XRN1: variants seen among roughly 807,000 people sequenced by gnomAD.
The protein encoded by XRN1 is 5'-3' exoribonuclease 1.
XRN1 carries 67 observed loss-of-function variants against 222.3 expected under a neutral mutation model. The observed-to-expected ratio is 0.30, with a 90% CI of 0.25 to 0.37. The LOEUF is 0.37. Ranked by LOEUF, XRN1 falls within the 10% of genes least tolerant of loss-of-function variation. The probability of loss-of-function intolerance (pLI) is 1.00; values close to 1 mark genes in which losing one functional copy is unlikely to be tolerated. For missense variants in XRN1, 1,707 were observed against 2,000.2 expected, an observed-to-expected ratio of 0.85 and a Z score of 2.80; for synonymous variants, 643 against 652.4, an observed-to-expected ratio of 0.99 and a Z score of 0.22.
At chr3:142,327,799 C>T (rs2065562619) in intron 37 of XRN1, among the ~76,000 whole-genome samples, 2 of 152,096 alleles carry the variant, frequency 1.3e-5, no homozygotes, top group African/African-American at 4.8e-5. Context: ...GCATACATTG[C>T]AGCCATTAAG....
In XRN1 at chr3:142,360,145, A is replaced by G. The variant is rs557845568; in HGVS notation, c.3395-214T>C. On this transcript the variant is annotated intron_variant, in intron 29 of 40. Coordinates refer to ENST00000392981, the MANE Select transcript of XRN1 (RefSeq NM_001282857.2). ...GCCTTAGAGGATCATTATTGTCCCA[A>G]TTCCCAACTAGGTAACATTATCTTC... is the stretch of plus-strand genomic sequence containing the variant. Among the ~76,000 whole-genome samples the G allele has an allele frequency of 6.5e-4, 99 of 152,286 alleles. 1 individual carries two copies. The highest frequency in any genetic ancestry group is 4.3e-3 in the South Asian group (21 of 4,832).
At position 142,357,136 on chromosome 3, in the gene XRN1, T is replaced by C. The variant is rs747729281; in HGVS notation, c.3465-17A>G. On this transcript the variant is annotated splice_polypyrimidine_tract_variant and intron_variant, in intron 30 of 40. Coordinates refer to ENST00000392981, the MANE Select transcript of XRN1 (RefSeq NM_001282857.2). ...GGTGAGCATCTAAAAGTAAAAGTTATATCAGGGTTGGAAGGAAAACAATAC... is the reference window on the plus strand; with the variant it reads ...GGTGAGCATCTAAAAGTAAAAGTTACATCAGGGTTGGAAGGAAAACAATAC... 20 of 1,587,840 alleles carry C rather than the reference T, an allele frequency of 1.3e-5. No homozygotes were observed. The East Asian group carries it at 4.1e-4, about 33-fold the overall frequency.
At chr3:142,359,175 ACTTGT>A (rs1351868394) in intron 30 of XRN1, among the ~76,000 whole-genome samples, 1 of 152,066 alleles carries the variant, frequency 6.6e-6, no homozygotes, top group Non-Finnish European at 1.5e-5. Flanking sequence ...CCCCCAAAAC[ACTTGT>A]CTTATCTGTG....
At chr3:142,360,116 C>T (rs867963566) in intron 29 of XRN1, among the ~76,000 whole-genome samples, 185 bp from the exon 30 acceptor site, 12 of 151,896 alleles carry the variant, frequency 7.9e-5, no homozygotes, top group Admixed American at 1.3e-4. Context: ...AACAGAATAC[C>T]AGTGCCTTAG....
chr3:142,410,278 TG>T (rs1425291311), intron 15 of XRN1, among the ~76,000 whole-genome samples: 1 of 152,192 alleles, frequency 6.6e-6, no homozygotes, highest in Non-Finnish European at 1.5e-5. Flanking sequence ...GGATGTTTCC[TG>T]TTATCCTTGT....
rs369238607 is a variant in XRN1 at position 142,356,350 on chromosome 3, T to C, written c.3672+562A>G. 3.9e-5 allele frequency among the ~76,000 whole-genome samples: 6 copies of C among 152,174 alleles called. 1 individual carries two copies. In the East Asian group the frequency reaches 1.2e-3, roughly 29 times the overall value. Reference sequence around the variant, plus strand: ...TCATCTACTTATCTGTGTTTTCCAATTGGTTTATAATAAGCAGGTACTATT... The same window carrying C: ...TCATCTACTTATCTGTGTTTTCCAACTGGTTTATAATAAGCAGGTACTATT... On this transcript the variant is annotated intron_variant, in intron 31 of 40. Coordinates refer to ENST00000392981, the MANE Select transcript of XRN1 (RefSeq NM_001282857.2).
chr3:142,418,499 C>T lies in XRN1; in HGVS notation c.1346+5G>A, dbSNP rs749503524. 3 of 1,589,704 alleles carry T rather than the reference C, an allele frequency of 1.9e-6. No homozygotes were observed. The highest frequency in any genetic ancestry group is 2.6e-6 in the Non-Finnish European group (3 of 1,168,028). On this transcript the variant is annotated splice_donor_5th_base_variant and intron_variant, in intron 12 of 40. Transcript: ENST00000392981. ...TTTAAAATAAAAGCATTGGCAAAAA[C>T]GTACTCAGATACTACGTCAACCCCC...
In XRN1 at chr3:142,404,926, T is replaced by C. The variant is rs756671459; in HGVS notation, c.1864A>G (p.Ile622Val). The C allele has an allele frequency of 1.9e-6, 3 of 1,613,876 alleles. No individual in the cohort carries two copies. Among genetic ancestry groups the C allele is most frequent in the African/African-American group, 1.3e-5 (1 of 74,936 alleles). ...CATTACCTTGTACAACATCGTTCTA[T>C]GGCAGGGAACTTTTCTGGCCATGGA... ...PSPWPEKFPA[I>V]ERCCTRYKII... The change falls in exon 16 of 41, where the codon ATA (isoleucine) becomes GTA (valine). Residue 622 changes from isoleucine (I) to valine (V), a missense_variant. By Grantham distance (29) the Ile-to-Val change is conservative (BLOSUM62 3). Transcript: ENST00000392981.
intron 19 of XRN1, among the ~76,000 whole-genome samples, chr3:142,398,304 A>G (rs1426534986): frequency 6.6e-6 from 1 of 152,152 alleles, no homozygotes; most frequent in Non-Finnish European, 1.5e-5. Flanking sequence ...TAAACATATA[A>G]AAATAAACAT....
chr3:142,388,498 C>G (rs1298817665), intron 20 of XRN1, among the ~76,000 whole-genome samples: 1 of 152,102 alleles, frequency 6.6e-6, no homozygotes, highest in Non-Finnish European at 1.5e-5. Context: ...CCACACTGTT[C>G]AAAGATCAAC....
chr3:142,358,096 T>G (rs2066514015), intron 30 of XRN1, among the ~76,000 whole-genome samples: 1 of 151,962 alleles, frequency 6.6e-6, no homozygotes, highest in African/African-American at 2.4e-5. Flanking sequence ...AAACTATGGT[T>G]TGGGCAGTCT....
At chr3:142,394,356 A>G (rs995180988) in intron 20 of XRN1, among the ~76,000 whole-genome samples, 1 of 152,210 alleles carries the variant, frequency 6.6e-6, no homozygotes, top group Non-Finnish European at 1.5e-5. Context: ...AACACAGGGT[A>G]GAATGTTTCA....
rs189461428 is a variant in XRN1, at chr3:142,396,269, T to C, written c.2339+1060A>G. Among the ~76,000 whole-genome samples, 236 of 151,954 alleles carry C rather than the reference T, an allele frequency of 1.6e-3. 1 individual carries two copies. The highest frequency in any genetic ancestry group is 2.4e-3 in the Non-Finnish European group (161 of 67,954). On this transcript the variant is annotated intron_variant, in intron 20 of 40. Coordinates refer to ENST00000392981, the MANE Select transcript of XRN1 (RefSeq NM_001282857.2). ...TGATTTTTTTTTCCAATTAAAGGAGTCTTGACTAAAATATTATCTATTCAT... is the reference window on the plus strand; with the variant it reads ...TGATTTTTTTTTCCAATTAAAGGAGCCTTGACTAAAATATTATCTATTCAT...
Position 142,403,887 on chromosome 3 carries a change from C to T in XRN1, c.1986G>A (p.Leu662=). 1 of 1,613,196 alleles carries T rather than the reference C, an allele frequency of 6.2e-7. No individual in the cohort carries two copies. Among genetic ancestry groups the T allele is most frequent in the Non-Finnish European group, 8.5e-7 (1 of 1,179,560 alleles). ...CACTGACTTTGTGTCTGATGTGTTT[C>T]AGAGTAGGAAATCCACAGAAATATA... ...KALYFCGFPT[L]KHIRHKFFLK... is the part of the protein sequence containing the mutation. The change falls in exon 17 of 41, where the codon CTG becomes CTA. Residue 662 remains leucine, a synonymous_variant. Transcript: ENST00000392981.
chr3:142,434,774 CA>C (rs1034938054), intron 1 of XRN1, among the ~76,000 whole-genome samples: 1 of 151,608 alleles, frequency 6.6e-6, no homozygotes, highest in African/African-American at 2.4e-5. Flanking sequence ...AACAAACAAA[CA>C]AAAAGAAGAA....
At chr3:142,366,856 G>C (rs1462223460) in intron 27 of XRN1, among the ~76,000 whole-genome samples, 3 of 152,168 alleles carry the variant, frequency 2.0e-5, no homozygotes, top group South Asian at 2.1e-4. Context: ...GCATTGATTA[G>C]AGGACATGGA....
chr3:142,332,513 C>G lies in XRN1; in HGVS notation c.4084G>C (p.Glu1362Gln), dbSNP rs772853210. Residue 1362 changes from glutamate to glutamine, a missense_variant, in exon 36 of 41, where the codon GAA becomes CAA. Physicochemically the swap from Glu to Gln is conservative, Grantham distance 29 (BLOSUM62 2). Transcript: ENST00000392981. ...TTAGAGCCATCAATTTTTAGAATTT[C>G]TTTAAGCATCCGTGTTCCCTTCTTT... is the stretch of plus-strand genomic sequence containing the variant. The part of the protein sequence containing the change: ...FAMKGTRMLK[E>Q]ILKIDGSNTV... 1.2e-5 allele frequency: 19 copies of G among 1,610,734 alleles called. No homozygotes were observed. The highest frequency in any genetic ancestry group is 1.6e-5 in the Non-Finnish European group (19 of 1,178,752).
intron 15 of XRN1, among the ~76,000 whole-genome samples, chr3:142,411,727 T>C (rs2068588293): frequency 6.6e-6 from 1 of 152,188 alleles, no homozygotes; most frequent in South Asian, 2.1e-4. Flanking sequence ...AGTTTCAAAA[T>C]GTATGGGGAT....
intron 37 of XRN1, among the ~76,000 whole-genome samples, chr3:142,329,006 G>A (rs989636634): frequency 1.3e-5 from 2 of 151,506 alleles, no homozygotes; most frequent in African/African-American, 2.4e-5. Flanking sequence ...CTGTCCTCCC[G>A]CCTTGGCCTC....
Sources: allele counts gnomAD v4.1 joint callset (sites outside exome capture counted in the v4.1 genomes callset), GRCh38; gene constraint gnomAD v4.1.1; transcripts MANE v1.5; gene names NCBI Gene and HGNC (gene_info 2026-07-23, HGNC 2026-07-21).